The following RGS7 variants were observed in gnomAD, a reference collection of about 807,000 sequenced individuals.
RGS7 encodes regulator of G protein signaling 7.
RGS7 carries 27 observed loss-of-function variants against 81.1 expected under a neutral mutation model. That is an observed-to-expected ratio of 0.33 (90% confidence interval 0.25 to 0.46). The LOEUF (loss-of-function observed/expected upper bound fraction) is 0.46. RGS7 is among the 20% of genes least tolerant of loss of function. The pLI is 1.00. For missense variants in RGS7, 396 were observed against 607.4 expected, an observed-to-expected ratio of 0.65 and a Z score of 3.66; for synonymous variants, 208 against 207.7, an observed-to-expected ratio of 1.00 and a Z score of -0.01.
At chr1:241,249,484 C>A (rs2076725976) in intron 2 of RGS7, among the ~76,000 whole-genome samples, 1 of 152,068 alleles carries the variant, frequency 6.6e-6, no homozygotes, top group African/African-American at 2.4e-5. Context: ...TACAATAAGT[C>A]CTGAAATCAG....
rs1474241868 is a variant in RGS7, at chr1:240,775,543, AAAC to A, written c.*674_*676del. On this transcript the variant is annotated 3_prime_UTR_variant, in exon 19 of 19. Coordinates refer to ENST00000440928, the MANE Select transcript of RGS7 (RefSeq NM_001364886.1). ...ATTCTGCATCTTTTAATGAAAGATA[AAAC>A]AACAATATAAACATACACAAATTTA... 1 of 152,516 alleles carries A rather than the reference AAAC, an allele frequency of 6.6e-6. No individual in the cohort carries two copies. The highest frequency in any genetic ancestry group is 1.5e-5 in the Non-Finnish European group (1 of 68,128). The allele number at this position is 152,516 out of a possible 1,614,324, so 9.4% of individuals were successfully genotyped here.
chr1:241,234,742 C>T (rs1400775656), intron 2 of RGS7, among the ~76,000 whole-genome samples: 2 of 152,076 alleles, frequency 1.3e-5, no homozygotes, highest in South Asian at 4.1e-4. Context: ...CAGACTTAGT[C>T]GAAAGAGGTT....
chr1:241,065,932 T>C (rs2062035229), intron 3 of RGS7, among the ~76,000 whole-genome samples: 1 of 152,178 alleles, frequency 6.6e-6, no homozygotes, highest in South Asian at 2.1e-4. Context: ...TACCTGGCAT[T>C]TGGCATGCAC....
At chr1:240,880,461 G>A (rs1029403739) in intron 6 of RGS7, among the ~76,000 whole-genome samples, 2 of 152,120 alleles carry the variant, frequency 1.3e-5, no homozygotes, top group Non-Finnish European at 2.9e-5. Flanking sequence ...TTCCCATCAC[G>A]GCTGTTGACC....
At chr1:241,239,848 G>A (rs548500581) in intron 2 of RGS7, among the ~76,000 whole-genome samples, 5 of 152,322 alleles carry the variant, frequency 3.3e-5, no homozygotes, top group East Asian at 3.9e-4. Context: ...GCTAGGCAGC[G>A]TGCAGAGAAC....
Position 241,094,398 on chromosome 1 carries a change from C to A in RGS7, c.175+4268G>T, listed in dbSNP as rs556905211. Among the ~76,000 whole-genome samples, 19 of 152,262 alleles carry A rather than the reference C, an allele frequency of 1.2e-4. No individual in the cohort carries two copies. The South Asian group carries it at 2.7e-3, about 22-fold the overall frequency. On this transcript the variant is annotated intron_variant, in intron 3 of 18. Coordinates refer to ENST00000440928, the MANE Select transcript of RGS7 (RefSeq NM_001364886.1). ...GATCTCATTCCCTGGCCCTGAGACA[C>A]CAGGTCACATACAACCTGTGCAGCT...
At chr1:241,315,107 C>CTTTTTTTTTTTTTTTTTTTTTT (rs5782184) in intron 2 of RGS7, among the ~76,000 whole-genome samples, 8 of 57,432 alleles carry the variant, frequency 1.4e-4, no homozygotes, top group Middle Eastern at 0.02. Context: ...TCTTCTTCTT[C>CTTTTTTTTTTTTTTTTTTTTTT]TTTTTTTTTT....
chr1:241,220,994 G>GAAGGAAGAAAGA lies in RGS7; in HGVS notation c.79-122233_79-122232insTCTTTCTTCCTT, dbSNP rs1553289421. ...GGAAGGAAGGAAGGAAGGAAGGAAG[G>GAAGGAAGAAAGA]AAGAGAGAGAGAAAGGAAGGAAGGA... On this transcript the variant is annotated intron_variant, in intron 2 of 18. Transcript: ENST00000440928. Among the ~76,000 whole-genome samples the GAAGGAAGAAAGA allele has an allele frequency of 2.0e-3, 187 of 93,502 alleles. 1 individual carries two copies. Among genetic ancestry groups the GAAGGAAGAAAGA allele is most frequent in the Admixed American group, 3.1e-3 (25 of 8,012 alleles). 61.3% of individuals were successfully genotyped at this position (93,502 alleles called of 152,430 possible).
chr1:241,203,681 C>T (rs2073681398), intron 2 of RGS7, among the ~76,000 whole-genome samples: 1 of 152,182 alleles, frequency 6.6e-6, no homozygotes, highest in Non-Finnish European at 1.5e-5. Context: ...TCTTGCCTGA[C>T]ATAATCCCTG....
At chr1:241,323,096 T>C (rs991499833) in intron 2 of RGS7, among the ~76,000 whole-genome samples, 5 of 152,200 alleles carry the variant, frequency 3.3e-5, no homozygotes, top group Admixed American at 1.3e-4. Flanking sequence ...CGTTTAAATA[T>C]CATATTTATT....
intron 3 of RGS7, chr1:240,998,560 C>T (rs1687650465): frequency 2.4e-6 from 2 of 840,650 alleles, no homozygotes; most frequent in Non-Finnish European, 4.0e-6. Flanking sequence ...GCAGAAGCTC[C>T]TGCTGGTACA....
chr1:241,003,730 G>A (rs1166376811), intron 3 of RGS7, among the ~76,000 whole-genome samples: 1 of 152,028 alleles, frequency 6.6e-6, no homozygotes, highest in African/African-American at 2.4e-5. Flanking sequence ...AAGCACTACT[G>A]GGATCCACTC....
chr1:240,913,081 G>A (rs1672031829), intron 6 of RGS7, among the ~76,000 whole-genome samples: 1 of 152,190 alleles, frequency 6.6e-6, no homozygotes, highest in Non-Finnish European at 1.5e-5. Flanking sequence ...CAGTTAATAT[G>A]TGAAGCTATT....
intron 2 of RGS7, among the ~76,000 whole-genome samples, chr1:241,280,890 T>C (rs1159037675): frequency 1.3e-5 from 2 of 152,214 alleles, no homozygotes; most frequent in Non-Finnish European, 2.9e-5. Context: ...AAGTTTACTT[T>C]TGTAAGAAAC....
Position 241,181,342 on chromosome 1 carries a change from T to C in RGS7, c.79-82580A>G, listed in dbSNP as rs2071602180. ...TAGGAGAAGTCTTTATAGCTTCTCC[T>C]GAATTTTATCGTGATCTTAAAATTG... is the stretch of plus-strand genomic sequence containing the variant. On this transcript the variant is annotated intron_variant, in intron 2 of 18. Transcript: ENST00000440928. 1.3e-5 allele frequency among the ~76,000 whole-genome samples: 2 copies of C among 152,238 alleles called. 1 individual carries two copies. The highest frequency in any genetic ancestry group is 4.1e-4 in the South Asian group (2 of 4,832).
intron 16 of RGS7, among the ~76,000 whole-genome samples, chr1:240,802,457 A>G (rs566518278): frequency 6.6e-6 from 1 of 152,290 alleles, no homozygotes; most frequent in Non-Finnish European, 1.5e-5. Context: ...AAACATTCCG[A>G]CATTTTGTCA....
intron 3 of RGS7, among the ~76,000 whole-genome samples, chr1:241,079,003 C>T (rs563142890): frequency 4.1e-4 from 63 of 152,218 alleles, no homozygotes; most frequent in African/African-American, 1.4e-3. Flanking sequence ...GTAAACCAAA[C>T]GACAAAATTT....
Position 240,832,837 on chromosome 1 carries a change from T to TA in RGS7, c.610-5666dup, listed in dbSNP as rs1466949800. Among the ~76,000 whole-genome samples the TA allele has an allele frequency of 8.5e-5, 13 of 152,208 alleles. No individual in the cohort carries two copies. In the East Asian group the frequency reaches 2.3e-3, roughly 27 times the overall value. ...ACATCAAGTACACCCTAGAAAGTTT[T>TA]AAAAAATCATGATTCTGGGAAAATT... On this transcript the variant is annotated intron_variant, in intron 9 of 18. Transcript: ENST00000440928.
chr1:240,819,682 G>A (rs192763195), intron 10 of RGS7, among the ~76,000 whole-genome samples: 64 of 152,326 alleles, frequency 4.2e-4, no homozygotes, highest in Non-Finnish European at 7.6e-4. Context: ...AGGCTGCAGT[G>A]AGCCAAGATC....
Sources: gnomAD v4.1 joint callset for allele counts (sites outside exome capture counted in the v4.1 genomes callset) on GRCh38, gnomAD v4.1.1 for gene constraint, MANE v1.5 for transcripts, NCBI Gene and HGNC (gene_info 2026-07-23, HGNC 2026-07-21) for gene names.